Variants in RAB1A observed in about 807,000 individuals in gnomAD.
The protein encoded by RAB1A is ras-related protein Rab-1A.
In RAB1A, 2 loss-of-function variants were observed where a neutral mutation model predicts 26.0. The observed-to-expected ratio is 0.08, with a 90% CI of 0.03 to 0.24. RAB1A has a LOEUF of 0.24. Ranked by LOEUF, RAB1A falls within the 10% of genes least tolerant of loss-of-function variation. RAB1A has a pLI of 1.00. For missense variants in RAB1A, 100 were observed against 247.0 expected (o/e 0.40, Z 3.99); for synonymous variants, 84 against 84.9 (o/e 0.99, Z 0.06).
chr2:65,093,799 A>G (rs534724520), intron 3 of RAB1A, among the ~76,000 whole-genome samples: 1 of 151,186 alleles, frequency 6.6e-6, no homozygotes, highest in Non-Finnish European at 1.5e-5. Flanking sequence ...ATTTTTTTGT[A>G]TTTTTAGTAG....
In RAB1A at chr2:65,116,738, A is replaced by G. The variant is rs149056329; in HGVS notation, c.24-11932T>C. ...ACACAGGAGTTTACATATATAATCT[A>G]AAGTTAAAGTTTAAAAATTGCCAAC... is the stretch of plus-strand genomic sequence containing the variant. On this transcript the variant is annotated intron_variant, in intron 1 of 5. Transcript: ENST00000409784. 5.9e-5 allele frequency among the ~76,000 whole-genome samples: 9 copies of G among 152,390 alleles called. No homozygotes were observed. The East Asian group carries it at 1.3e-3, about 23-fold the overall frequency.
rs189634997 is a variant in RAB1A at position 65,117,389 on chromosome 2, G to T, written c.23+12504C>A. ...AATTTTTAAATTTTTTGCAGAAAGG[G>T]GATCTTACTAGGTTGCTCAGGCTGA... On this transcript the variant is annotated intron_variant, in intron 1 of 5. Coordinates refer to ENST00000409784, the MANE Select transcript of RAB1A (RefSeq NM_004161.5). 6.2e-4 allele frequency among the ~76,000 whole-genome samples: 94 copies of T among 151,940 alleles called. 1 individual carries two copies. The highest frequency in any genetic ancestry group is 2.1e-3 in the African/African-American group (85 of 41,426).
chr2:65,104,024 C>T (rs534720311), intron 2 of RAB1A, among the ~76,000 whole-genome samples: 12 of 152,202 alleles, frequency 7.9e-5, no homozygotes, highest in South Asian at 2.1e-4. Context: ...GTGATCCGCC[C>T]GTCTCGGCCT....
intron 1 of RAB1A, among the ~76,000 whole-genome samples, chr2:65,109,395 T>C (rs9797989): frequency 0.66 from 99,870 of 152,018 alleles, 33,034 homozygotes; most frequent in Non-Finnish European, 0.69. Flanking sequence ...AACTAAATTA[T>C]GCTAGTTTAG....
rs78057013 is a variant in RAB1A at position 65,096,613 on chromosome 2, T to C, written c.192+1358A>G. Among the ~76,000 whole-genome samples, 324 of 152,338 alleles carry C rather than the reference T, an allele frequency of 2.1e-3. 2 individuals are homozygous for C. The highest frequency in any genetic ancestry group is 7.7e-3 in the African/African-American group (319 of 41,574). On this transcript the variant is annotated intron_variant, in intron 3 of 5. Transcript: ENST00000409784. The stretch of plus-strand genomic sequence containing the variant: ...AAATAAAAGGTTGAGACTGTACTTA[T>C]ATCGTGGGAAAAAATATGGAGGGTA...
At chr2:65,124,099 G>C (rs1207961566) in intron 1 of RAB1A, among the ~76,000 whole-genome samples, 1 of 151,800 alleles carries the variant, frequency 6.6e-6, no homozygotes, top group Admixed American at 6.6e-5. Flanking sequence ...CGATTCTCTT[G>C]TCTCAGCCTC....
At chr2:65,105,033 A>G in intron 1 of RAB1A, 3 of 616,634 alleles carry the variant, frequency 4.9e-6, no homozygotes, top group Non-Finnish European at 8.8e-6. Context: ...TATGATCTCT[A>G]ACATCAGTGA....
chr2:65,116,564 G>A (rs1292293236), intron 1 of RAB1A, among the ~76,000 whole-genome samples: 2 of 152,020 alleles, frequency 1.3e-5, no homozygotes, highest in Non-Finnish European at 2.9e-5. Context: ...CATACTGTCT[G>A]GCACATACAG....
intron 5 of RAB1A, 21 bp downstream of exon 5, chr2:65,088,918 A>G: frequency 6.3e-7 from 1 of 1,583,650 alleles, no homozygotes; most frequent in Non-Finnish European, 8.6e-7. Flanking sequence ...ATTCAGTATG[A>G]AAATTAAACT....
intron 3 of RAB1A, among the ~76,000 whole-genome samples, chr2:65,097,682 G>A (rs894321887): frequency 1.3e-5 from 2 of 152,122 alleles, no homozygotes; most frequent in African/African-American, 4.8e-5. Context: ...GTAGGACAAG[G>A]TAAACTTGAA....
chr2:65,107,390 A>G (rs1489410402), intron 1 of RAB1A, among the ~76,000 whole-genome samples: 1 of 152,140 alleles, frequency 6.6e-6, no homozygotes, highest in Non-Finnish European at 1.5e-5. Flanking sequence ...AATACTGAAC[A>G]CTGAACATTA....
At chr2:65,108,701 G>A (rs1669621789) in intron 1 of RAB1A, among the ~76,000 whole-genome samples, 1 of 152,064 alleles carries the variant, frequency 6.6e-6, no homozygotes, top group South Asian at 2.1e-4. Flanking sequence ...AGCTACTTGG[G>A]AGGCAAAGGC....
At chr2:65,107,255 G>A (rs763055932) in intron 1 of RAB1A, among the ~76,000 whole-genome samples, 3 of 151,682 alleles carry the variant, frequency 2.0e-5, no homozygotes, top group South Asian at 2.1e-4. Flanking sequence ...TAGTAAAGAC[G>A]GGAGTTTCAT....
intron 1 of RAB1A, among the ~76,000 whole-genome samples, chr2:65,119,337 C>T (rs959451394): frequency 1.3e-5 from 2 of 152,086 alleles, no homozygotes; most frequent in Non-Finnish European, 2.9e-5. Context: ...GAAACCCAGT[C>T]TCTACTAAAA....
At chr2:65,095,759 C>T (rs1669268537) in intron 3 of RAB1A, among the ~76,000 whole-genome samples, 1 of 152,138 alleles carries the variant, frequency 6.6e-6, no homozygotes, top group South Asian at 2.1e-4. Context: ...CGCCTGTAAT[C>T]CCAGCACTTT....
intron 1 of RAB1A, among the ~76,000 whole-genome samples, chr2:65,108,319 A>G (rs1669611695): frequency 6.7e-6 from 1 of 148,750 alleles, no homozygotes; most frequent in Non-Finnish European, 1.5e-5. Flanking sequence ...CTGACATCAC[A>G]CACTCCAGCC....
intron 2 of RAB1A, among the ~76,000 whole-genome samples, chr2:65,098,836 C>CTTTTTTTTTT (rs70943624): frequency 0.011 from 1,152 of 102,718 alleles, 20 homozygotes; most frequent in Middle Eastern, 0.016. Flanking sequence ...AACAGTACTT[C>CTTTTTTTTTT]TTTTTTTTTT....
chr2:65,094,415 T>A (rs1022306967), intron 3 of RAB1A, among the ~76,000 whole-genome samples: 1 of 151,916 alleles, frequency 6.6e-6, no homozygotes, highest in Non-Finnish European at 1.5e-5. Context: ...AGAAACCCCA[T>A]CTCTACTAAA....
chr2:65,101,053 T>C (rs1558579242), intron 2 of RAB1A, among the ~76,000 whole-genome samples: 1 of 150,230 alleles, frequency 6.7e-6, no homozygotes, highest in Non-Finnish European at 1.5e-5. Flanking sequence ...GGCTGAGGCA[T>C]GAGAATCACT....
Sources: allele counts gnomAD v4.1 joint callset (sites outside exome capture counted in the v4.1 genomes callset), GRCh38; gene constraint gnomAD v4.1.1; transcripts MANE v1.5; gene names NCBI Gene and HGNC (gene_info 2026-07-23, HGNC 2026-07-21).